The following FTCDNL1 variants were observed in gnomAD, a reference collection of about 807,000 sequenced individuals.
FTCDNL1 encodes formiminotransferase N-terminal subdomain-containing protein.
FTCDNL1 carries 11 observed loss-of-function variants against 5.9 expected under a neutral mutation model. That is an observed-to-expected ratio of 1.87 (90% confidence interval 1.18 to 3.10). The LOEUF is 3.10. Ranked by LOEUF, FTCDNL1 falls within the 30% of genes most tolerant of loss-of-function variation. The pLI, the probability that FTCDNL1 is intolerant of heterozygous loss-of-function variation, is 0.00. For synonymous variants in FTCDNL1, 58 were observed against 24.8 expected (o/e 2.34, Z -3.99); for missense variants, 115 against 65.5 (o/e 1.76, Z -2.61).
chr2:199,673,667 T>C, the FTCDNL1 span, among the ~76,000 whole-genome samples: 1 of 152,166 alleles, frequency 6.6e-6, no homozygotes, highest in Admixed American at 6.5e-5. Flanking sequence ...ATTAGATGCA[T>C]AAACAAGACA....
At chr2:199,784,904 T>C (rs1264059119) in intron 3 of FTCDNL1, among the ~76,000 whole-genome samples, 1 of 152,200 alleles carries the variant, frequency 6.6e-6, no homozygotes, top group African/African-American at 2.4e-5. Context: ...AAAGTGGGAT[T>C]TGTAGACTGA....
rs368796086 is a variant in FTCDNL1, at chr2:199,763,073, T to C, written c.212-2238A>G. ...AGTGAAAGAGACATTTCTCAATACA[T>C]CTAGTTCTAAGTAACAACACATTAC... On this transcript the variant is annotated intron_variant, in intron 3 of 3. Coordinates refer to the FTCDNL1 transcript ENST00000416668. 1.7e-4 allele frequency among the ~76,000 whole-genome samples: 26 copies of C among 152,290 alleles called. No homozygotes were observed. The East Asian group carries it at 3.9e-3, about 23-fold the overall frequency.
At chr2:199,801,992 C>T (rs1188155161) in intron 3 of FTCDNL1, among the ~76,000 whole-genome samples, 1 of 151,048 alleles carries the variant, frequency 6.6e-6, no homozygotes, top group African/African-American at 2.4e-5. Flanking sequence ...CTGACAGTAA[C>T]AGCAGAACAT....
At chr2:199,772,241 T>C (rs1421176482) in intron 3 of FTCDNL1, among the ~76,000 whole-genome samples, 1 of 152,208 alleles carries the variant, frequency 6.6e-6, no homozygotes, top group Non-Finnish European at 1.5e-5. Context: ...TCACACTACT[T>C]AGAGTAGCAT....
chr2:199,794,381 G>A (rs905988325), intron 3 of FTCDNL1, among the ~76,000 whole-genome samples: 3 of 152,090 alleles, frequency 2.0e-5, no homozygotes, highest in African/African-American at 4.8e-5. Context: ...TGGATTATGC[G>A]GATCAGTGGC....
intron 3 of FTCDNL1, among the ~76,000 whole-genome samples, chr2:199,776,958 ATGTGTG>A (rs56145074): frequency 0.33 from 44,141 of 135,766 alleles, 7,508 homozygotes; most frequent in East Asian, 0.42. Context: ...ATGTGTGTAT[ATGTGTG>A]TGTGTGTGTG....
chr2:199,750,014 C>T, the FTCDNL1 span, among the ~76,000 whole-genome samples: 116,664 of 149,926 alleles, frequency 0.78, 48,162 homozygotes, highest in South Asian at 0.96. Flanking sequence ...GACATACACA[C>T]CTAGTATGTA....
the FTCDNL1 span, among the ~76,000 whole-genome samples, chr2:199,681,477 C>T: frequency 6.6e-6 from 1 of 152,134 alleles, no homozygotes; most frequent in Non-Finnish European, 1.5e-5. Context: ...AAAAGCCAGG[C>T]TTTCTGTCTG....
rs562226225 is a variant in FTCDNL1 at position 199,797,741 on chromosome 2, T to C, written c.212-36906A>G. 1.1e-3 allele frequency among the ~76,000 whole-genome samples: 164 copies of C among 152,306 alleles called. 2 individuals are homozygous for C. The highest frequency in any genetic ancestry group is 3.8e-4 in the Non-Finnish European group (26 of 68,028). On this transcript the variant is annotated intron_variant, in intron 3 of 3. Coordinates refer to the FTCDNL1 transcript ENST00000416668. Reference sequence around the variant, plus strand: ...TCTCTTTCCCTCAGCCTGGAATTGTTTGCACAGAAAGACTCCATAGAATAA... The same window carrying C: ...TCTCTTTCCCTCAGCCTGGAATTGTCTGCACAGAAAGACTCCATAGAATAA...
the FTCDNL1 span, among the ~76,000 whole-genome samples, chr2:199,747,258 C>A: frequency 6.6e-6 from 1 of 152,106 alleles, no homozygotes; most frequent in East Asian, 1.9e-4. Context: ...CTCAAATGTT[C>A]GAAAATTCAT....
At chr2:199,681,399 T>C in the FTCDNL1 span, among the ~76,000 whole-genome samples, 2 of 152,274 alleles carry the variant, frequency 1.3e-5, no homozygotes, top group South Asian at 2.1e-4. Context: ...GAGGTTGCAG[T>C]GAGCCAAGAT....
At chr2:199,676,106 T>C in the FTCDNL1 span, among the ~76,000 whole-genome samples, 20 of 152,280 alleles carry the variant, frequency 1.3e-4, no homozygotes, top group African/African-American at 3.6e-4. Context: ...TTATATCCCA[T>C]TAGCTATAAC....
At chr2:199,766,409 T>C (rs1358821938) in intron 3 of FTCDNL1, among the ~76,000 whole-genome samples, 2 of 152,192 alleles carry the variant, frequency 1.3e-5, no homozygotes, top group African/African-American at 4.8e-5. Flanking sequence ...AGACACCCAC[T>C]GTCCTTCAGC....
At chr2:199,836,435 G>T (rs1382415660) in intron 3 of FTCDNL1, among the ~76,000 whole-genome samples, 2 of 152,118 alleles carry the variant, frequency 1.3e-5, no homozygotes, top group Non-Finnish European at 2.9e-5. Context: ...GCCTCCCAAA[G>T]TGCTGGGATT....
the FTCDNL1 span, among the ~76,000 whole-genome samples, chr2:199,706,220 C>T: frequency 6.6e-6 from 1 of 152,084 alleles, no homozygotes; most frequent in Non-Finnish European, 1.5e-5. Context: ...TTTGATGTGA[C>T]CTTTGCTATG....
At chr2:199,762,610 C>T (rs1414948420) in intron 3 of FTCDNL1, among the ~76,000 whole-genome samples, 1 of 152,008 alleles carries the variant, frequency 6.6e-6, no homozygotes, top group Admixed American at 6.5e-5. Flanking sequence ...GGATATTTAA[C>T]AAGTAAATAA....
intron 4 of FTCDNL1, 88 bp downstream of exon 4, chr2:199,819,484 C>T (rs907181991): frequency 7.5e-6 from 5 of 666,708 alleles, no homozygotes; most frequent in Non-Finnish European, 1.3e-5. Context: ...TATAACTCTT[C>T]CTGCATTAAC....
chr2:199,820,448 T>C (rs1263338489), intron 3 of FTCDNL1, among the ~76,000 whole-genome samples: 19 of 151,816 alleles, frequency 1.3e-4, no homozygotes, highest in Non-Finnish European at 2.9e-5. Flanking sequence ...CTACAAAAAC[T>C]AAAAAAAGAA....
the FTCDNL1 span, among the ~76,000 whole-genome samples, chr2:199,666,988 T>C: frequency 6.6e-6 from 1 of 152,018 alleles, no homozygotes; most frequent in African/African-American, 2.4e-5. Flanking sequence ...TTTTCTCTTT[T>C]GTCTATACTA....
Sources: gnomAD v4.1 joint callset for allele counts (sites outside exome capture counted in the v4.1 genomes callset) on GRCh38, gnomAD v4.1.1 for gene constraint, MANE v1.5 for transcripts, NCBI Gene and HGNC (gene_info 2026-07-23, HGNC 2026-07-21) for gene names.